The following BICC1 variants were observed in gnomAD, a reference collection of about 807,000 sequenced individuals.
BICC1 encodes protein bicaudal C homolog 1.
In BICC1, 43 loss-of-function variants were observed where a neutral mutation model predicts 111.0. The ratio of observed to expected loss-of-function variants is 0.39; its 90% CI spans 0.30 to 0.50. The LOEUF (loss-of-function observed/expected upper bound fraction) is 0.50. Ranked by LOEUF, BICC1 falls within the 20% of genes least tolerant of loss-of-function variation. BICC1 has a pLI of 0.88. For missense variants in BICC1, 1,091 were observed against 1,203.2 expected, an observed-to-expected ratio of 0.91 and a Z score of 1.38; for synonymous variants, 467 against 434.4, an observed-to-expected ratio of 1.07 and a Z score of -0.93.
chr10:58,738,359 T>G (rs9416736), intron 3 of BICC1, among the ~76,000 whole-genome samples: 150,362 of 151,172 alleles, frequency 0.99, 74,786 homozygotes, highest in Middle Eastern at 1. Context: ...TTTCCCCATT[T>G]CTTGTTTTTG....
intron 3 of BICC1, among the ~76,000 whole-genome samples, chr10:58,741,615 T>A (rs1026406121): frequency 2.6e-5 from 4 of 152,186 alleles, no homozygotes; most frequent in African/African-American, 9.7e-5. Context: ...TTTTAAAAAA[T>A]TTCTTATAAG....
At chr10:58,627,397 A>G (rs1490778123) in intron 2 of BICC1, among the ~76,000 whole-genome samples, 1 of 152,214 alleles carries the variant, frequency 6.6e-6, no homozygotes, top group South Asian at 2.1e-4. Flanking sequence ...AAAGGTTTGT[A>G]TATTATTTTG....
At chr10:58,669,750 A>G (rs1482423331) in intron 2 of BICC1, among the ~76,000 whole-genome samples, 2 of 152,136 alleles carry the variant, frequency 1.3e-5, no homozygotes, top group Non-Finnish European at 2.9e-5. Context: ...AATAACTGTT[A>G]TTTTCCCTAA....
At chr10:58,788,686 AG>A (rs1480377964) in intron 6 of BICC1, among the ~76,000 whole-genome samples, 1 of 152,194 alleles carries the variant, frequency 6.6e-6, no homozygotes, top group African/African-American at 2.4e-5. Context: ...TATCTGACTC[AG>A]TTTTTCTAGT....
intron 3 of BICC1, among the ~76,000 whole-genome samples, chr10:58,760,578 T>C (rs906421515): frequency 2.0e-5 from 3 of 152,128 alleles, no homozygotes; most frequent in Non-Finnish European, 4.4e-5. Context: ...TGAGAATTAT[T>C]TTTTTTACCA....
In BICC1 at chr10:58,548,848, TTTTG is replaced by T. The variant is rs545771733; in HGVS notation, c.190+35519_190+35522del. ...CGTGCTCTGTCACATAGGCCCTTGT[TTTTG>T]TTTTAGTTTACTTTGGGGTGTGTGT... is the stretch of plus-strand genomic sequence containing the variant. On this transcript the variant is annotated intron_variant, in intron 1 of 20. Transcript: ENST00000373886. Among the ~76,000 whole-genome samples, 4 of 152,118 alleles carry T rather than the reference TTTTG, an allele frequency of 2.6e-5. No homozygotes were observed. The South Asian group carries it at 8.3e-4, about 32-fold the overall frequency.
chr10:58,522,484 A>G (rs1309786453), intron 1 of BICC1, among the ~76,000 whole-genome samples: 2 of 152,178 alleles, frequency 1.3e-5, no homozygotes, highest in African/African-American at 2.4e-5. Context: ...GAAGGCAGAA[A>G]TAAACATGTT....
intron 1 of BICC1, among the ~76,000 whole-genome samples, chr10:58,539,875 A>G (rs1842917065): frequency 6.6e-6 from 1 of 151,952 alleles, no homozygotes; most frequent in Non-Finnish European, 1.5e-5. Flanking sequence ...GATATATCAC[A>G]TGGTAGGCCA....
chr10:58,685,234 A>G lies in BICC1; in HGVS notation c.238-16840A>G, dbSNP rs1010890058. Among the ~76,000 whole-genome samples the G allele has an allele frequency of 2.6e-5, 4 of 152,228 alleles. No homozygotes were observed. In the East Asian group the frequency reaches 7.7e-4, roughly 29 times the overall value. Reference sequence around the variant, plus strand: ...GTTTGATTGCACTGTGGTCTGAGAGACAGTTTGTTATAATTTCTGTTCTTT... The same window carrying G: ...GTTTGATTGCACTGTGGTCTGAGAGGCAGTTTGTTATAATTTCTGTTCTTT... On this transcript the variant is annotated intron_variant, in intron 2 of 20. Coordinates refer to ENST00000373886, the MANE Select transcript of BICC1 (RefSeq NM_001080512.3).
chr10:58,676,669 ATC>A (rs904078542), intron 2 of BICC1, among the ~76,000 whole-genome samples: 16 of 152,276 alleles, frequency 1.1e-4, no homozygotes, highest in African/African-American at 3.9e-4. Flanking sequence ...AGAGCAGCGG[ATC>A]TCCCAGCACA....
intron 1 of BICC1, among the ~76,000 whole-genome samples, chr10:58,563,322 A>G (rs1329591112): frequency 1.3e-5 from 2 of 152,100 alleles, no homozygotes; most frequent in Non-Finnish European, 2.9e-5. Flanking sequence ...TGTTAACTTT[A>G]GGCAGCTCCC....
intron 17 of BICC1, among the ~76,000 whole-genome samples, chr10:58,812,820 G>C (rs1374136739): frequency 1.3e-5 from 2 of 152,118 alleles, no homozygotes; most frequent in Non-Finnish European, 1.5e-5. Flanking sequence ...TCTGGAGTTA[G>C]AAGTTTAGGA....
chr10:58,734,128 CTGTG>C (rs1416809254), intron 3 of BICC1, among the ~76,000 whole-genome samples: 3 of 152,160 alleles, frequency 2.0e-5, no homozygotes, highest in Non-Finnish European at 2.9e-5. Flanking sequence ...AAAGCTGGGA[CTGTG>C]TTTAAGATCT....
chr10:58,539,095 A>G (rs550106825), intron 1 of BICC1, among the ~76,000 whole-genome samples: 22 of 151,904 alleles, frequency 1.4e-4, no homozygotes, highest in Non-Finnish European at 3.2e-4. Flanking sequence ...AGACATATTT[A>G]TCACAGCACA....
At chr10:58,656,177 T>G (rs1045135950) in intron 2 of BICC1, among the ~76,000 whole-genome samples, 6 of 151,816 alleles carry the variant, frequency 4.0e-5, no homozygotes, top group African/African-American at 1.5e-4. Context: ...AATAGACCAA[T>G]AACAGGAGCT....
intron 3 of BICC1, among the ~76,000 whole-genome samples, chr10:58,703,349 G>A (rs1237508672): frequency 6.6e-6 from 1 of 151,698 alleles, no homozygotes; most frequent in African/African-American, 2.4e-5. Context: ...TTGTAGAGAT[G>A]GAGTTTCACT....
intron 1 of BICC1, among the ~76,000 whole-genome samples, chr10:58,527,844 G>T (rs1253567525): frequency 6.6e-6 from 1 of 151,852 alleles, no homozygotes; most frequent in Non-Finnish European, 1.5e-5. Flanking sequence ...GGCTCGGGTG[G>T]GTTAGAATTC....
chr10:58,564,624 T>C (rs998319967), intron 1 of BICC1, among the ~76,000 whole-genome samples: 13 of 152,182 alleles, frequency 8.5e-5, no homozygotes, highest in African/African-American at 3.1e-4. Context: ...TTCATTGTTA[T>C]GGAGGTCAGT....
chr10:58,592,642 G>C (rs192192907), intron 1 of BICC1, among the ~76,000 whole-genome samples: 1 of 151,828 alleles, frequency 6.6e-6, no homozygotes, highest in African/African-American at 2.4e-5. Context: ...GTAAACCCAG[G>C]AGGCGGAGGT....
Sources: gnomAD v4.1 joint callset for allele counts (sites outside exome capture counted in the v4.1 genomes callset) on GRCh38, gnomAD v4.1.1 for gene constraint, MANE v1.5 for transcripts, NCBI Gene and HGNC (gene_info 2026-07-23, HGNC 2026-07-21) for gene names.